Variants in EVL observed in about 807,000 individuals in gnomAD.
EVL encodes Enah/Vasp-like, also known as ena/VASP-like protein.
Under a neutral mutation model 59.6 loss-of-function variants are expected in EVL, and 21 were observed. The ratio of observed to expected loss-of-function variants is 0.35; its 90% confidence interval spans 0.25 to 0.51. EVL has a LOEUF of 0.51. Ranked by LOEUF, EVL falls within the 20% of genes least tolerant of loss-of-function variation. EVL has a pLI of 0.97. For missense variants in EVL, 462 were observed against 546.6 expected (o/e 0.85, Z 1.54); for synonymous variants, 198 against 203.5 (o/e 0.97, Z 0.23).
intron 2 of EVL, 187 bp downstream of exon 2, chr14:100,085,042 T>C (rs935431997): frequency 1.8e-6 from 1 of 567,788 alleles, no homozygotes; most frequent in Non-Finnish European, 3.0e-6. Flanking sequence ...GCACACTGTT[T>C]CCTGGATTTC....
intron 1 of EVL, among the ~76,000 whole-genome samples, chr14:100,079,328 C>T (rs968229546): frequency 1.3e-5 from 2 of 152,214 alleles, no homozygotes; most frequent in Non-Finnish European, 2.9e-5. Flanking sequence ...CCCACGGGCA[C>T]ACAATCATAA....
rs137903594 is a variant in EVL, at chr14:100,028,134, G to GTTTTT, written c.5+56090_5+56094dup. Among the ~76,000 whole-genome samples the GTTTTT allele has an allele frequency of 5.3e-3, 626 of 118,656 alleles. 6 individuals are homozygous for GTTTTT. The highest frequency in any genetic ancestry group is 0.011 in the African/African-American group (337 of 30,182). 77.8% of individuals were successfully genotyped at this position (118,656 alleles called of 152,430 possible). On this transcript the variant is annotated intron_variant, in intron 1 of 13. Coordinates refer to the EVL transcript ENST00000402714. ...CTTTTAGTTGTTTTTTTGTTTGTTTGTTTTTTTTTTTTTTTTTGAGGAACC... is the reference window on the plus strand; with the variant it reads ...CTTTTAGTTGTTTTTTTGTTTGTTTGTTTTTTTTTTTTTTTTTTTTTTGAGGAACC...
chr14:100,107,538 A>G, intron 3 of EVL: 1 of 378,362 alleles, frequency 2.6e-6, no homozygotes, highest in Non-Finnish European at 4.7e-6. Context: ...CTCCACTAGC[A>G]TTCCCTCATG....
At chr14:100,142,479 C>T (rs1293372921) in intron 13 of EVL, among the ~76,000 whole-genome samples, 1 of 152,258 alleles carries the variant, frequency 6.6e-6, no homozygotes, top group Non-Finnish European at 1.5e-5. Context: ...GCAGCACAGC[C>T]AGTGCCAGCT....
intron 1 of EVL, among the ~76,000 whole-genome samples, chr14:100,073,822 A>G (rs1420756034): frequency 6.6e-6 from 1 of 152,212 alleles, no homozygotes; most frequent in Non-Finnish European, 1.5e-5. Context: ...TACTAGAGCT[A>G]CCGAGATGAA....
intron 1 of EVL, among the ~76,000 whole-genome samples, chr14:99,979,450 TG>T (rs2060792184): frequency 6.6e-6 from 1 of 152,200 alleles, no homozygotes; most frequent in African/African-American, 2.4e-5. Flanking sequence ...TTTAAGTTAT[TG>T]TTTTTCTAGA....
intron 1 of EVL, among the ~76,000 whole-genome samples, chr14:100,001,145 A>G (rs2060943795): frequency 6.6e-6 from 1 of 152,196 alleles, no homozygotes; most frequent in Non-Finnish European, 1.5e-5. Context: ...GGCAGGTATG[A>G]AAGTGGCTTA....
intron 1 of EVL, among the ~76,000 whole-genome samples, chr14:99,995,121 T>C (rs1217844135): frequency 6.6e-6 from 1 of 152,208 alleles, no homozygotes; most frequent in Non-Finnish European, 1.5e-5. Flanking sequence ...ATTACGTGTG[T>C]TAGTATGCGT....
chr14:100,065,361 T>A, upstream of EVL: 1 of 929,864 alleles, frequency 1.1e-6, no homozygotes, highest in Non-Finnish European at 1.4e-6. Context: ...TGGTTCAGCT[T>A]CCTTTTCCTG....
At chr14:100,035,930 T>G (rs2061382226) in intron 1 of EVL, among the ~76,000 whole-genome samples, 2 of 152,158 alleles carry the variant, frequency 1.3e-5, no homozygotes, top group South Asian at 4.1e-4. Context: ...CCCCTGGCTA[T>G]GGTGACTGGT....
chr14:100,117,363 G>A (rs1240312485), intron 3 of EVL, among the ~76,000 whole-genome samples: 3 of 151,994 alleles, frequency 2.0e-5, no homozygotes, highest in Non-Finnish European at 2.9e-5. Context: ...AAGGGGCTCC[G>A]CCAGGGGGCT....
intron 1 of EVL, among the ~76,000 whole-genome samples, chr14:100,023,694 T>A (rs1566972481): frequency 6.6e-6 from 1 of 152,058 alleles, no homozygotes; most frequent in Non-Finnish European, 1.5e-5. Context: ...ACTCCTGACC[T>A]CAAGTAATCT....
At chr14:100,132,572 A>G in intron 7 of EVL, 147 bp from the exon 8 acceptor site, 1 of 892,642 alleles carries the variant, frequency 1.1e-6, no homozygotes, top group East Asian at 2.4e-5. Context: ...GACGGGGCCT[A>G]GACAAGCCGC....
chr14:100,066,585 T>C (rs971323380), intron 1 of EVL: 4 of 152,214 alleles, frequency 2.6e-5, no homozygotes, highest in Non-Finnish European at 5.9e-5. Context: ...TTAGTAACTT[T>C]CCTTTAACTT....
intron 1 of EVL, among the ~76,000 whole-genome samples, chr14:99,980,186 A>C (rs1371778494): frequency 1.3e-5 from 2 of 152,214 alleles, no homozygotes; most frequent in Non-Finnish European, 2.9e-5. Flanking sequence ...AGTTTTAAAA[A>C]TTCATTCTTC....
chr14:100,019,841 G>GGAGGTGCA (rs1175039102), intron 1 of EVL, among the ~76,000 whole-genome samples: 1 of 152,216 alleles, frequency 6.6e-6, no homozygotes, highest in Non-Finnish European at 1.5e-5. Flanking sequence ...CATGGGGGTG[G>GGAGGTGCA]GAGGTGCAGA....
intron 3 of EVL, among the ~76,000 whole-genome samples, chr14:100,111,266 C>T (rs945489750): frequency 4.7e-5 from 7 of 148,864 alleles, no homozygotes; most frequent in African/African-American, 7.4e-5. Flanking sequence ...AAGCGATTCT[C>T]CTGCCTCAGC....
intron 1 of EVL, among the ~76,000 whole-genome samples, chr14:100,072,341 TCTC>T (rs1438098501): frequency 6.6e-6 from 1 of 152,162 alleles, no homozygotes; most frequent in African/African-American, 2.4e-5. Context: ...TTCAAGCAGT[TCTC>T]CTGCCTCAGC....
intron 8 of EVL, among the ~76,000 whole-genome samples, chr14:100,133,809 T>C (rs1888598131): frequency 6.6e-6 from 1 of 150,924 alleles, no homozygotes; most frequent in African/African-American, 2.4e-5. Context: ...TGGTGGCGCA[T>C]GCCTGTAATC....
Sources: allele counts gnomAD v4.1 joint callset (sites outside exome capture counted in the v4.1 genomes callset), GRCh38; gene constraint gnomAD v4.1.1; transcripts MANE v1.5; gene names NCBI Gene and HGNC (gene_info 2026-07-23, HGNC 2026-07-21).